The following CHRDL2 variants were observed in gnomAD, a reference collection of about 807,000 sequenced individuals.
CHRDL2 encodes the protein chordin-like protein 2.
In CHRDL2, 41 loss-of-function variants were observed where a neutral mutation model predicts 54.3. That is an observed-to-expected ratio of 0.76 (90% confidence interval 0.59 to 0.98). CHRDL2 has a LOEUF of 0.98. Ranked by LOEUF, CHRDL2 falls within the 50% of genes least tolerant of loss-of-function variation. The pLI is 0.00. For missense variants in CHRDL2, 518 were observed against 562.4 expected, an observed-to-expected ratio of 0.92 and a Z score of 0.80; for synonymous variants, 220 against 224.3, an observed-to-expected ratio of 0.98 and a Z score of 0.17.
In CHRDL2 at chr11:74,715,054, T is replaced by G. The variant is rs530437756; in HGVS notation, c.196-1575A>C. 2.6e-4 allele frequency among the ~76,000 whole-genome samples: 39 copies of G among 152,308 alleles called. No individual in the cohort carries two copies. The South Asian group carries it at 8.1e-3, about 32-fold the overall frequency. ...TAGATACTATACTATTAGTCACACT[T>G]TCTAAATGAGAAAAGAGCCTTGAAA... On this transcript the variant is annotated intron_variant, in intron 2 of 10. Transcript: ENST00000376332.
chr11:74,703,648 A>G (rs1221658705), intron 7 of CHRDL2, 149 bp from the exon 8 acceptor site: 7 of 639,012 alleles, frequency 1.1e-5, no homozygotes, highest in Admixed American at 6.0e-5. Flanking sequence ...AGGCCAGGGT[A>G]TAAAACCTGT....
chr11:74,718,084 G>C (rs1417650454), intron 2 of CHRDL2, among the ~76,000 whole-genome samples: 1 of 152,150 alleles, frequency 6.6e-6, no homozygotes, highest in Non-Finnish European at 1.5e-5. Context: ...CTCTACCCCA[G>C]GTGGCTCAGC....
intron 1 of CHRDL2, among the ~76,000 whole-genome samples, chr11:74,719,645 C>T (rs1314915513): frequency 1.3e-5 from 2 of 152,186 alleles, no homozygotes; most frequent in Non-Finnish European, 2.9e-5. Flanking sequence ...TAAAAATGGT[C>T]GTTGCTACTA....
At chr11:74,709,953 A>G (rs2034131342) in intron 4 of CHRDL2, among the ~76,000 whole-genome samples, 1 of 152,144 alleles carries the variant, frequency 6.6e-6, no homozygotes, top group African/African-American at 2.4e-5. Context: ...GCGGTGGCTC[A>G]CGCCTGTAAT....
At chr11:74,705,654 T>A (rs191714860) in intron 6 of CHRDL2, among the ~76,000 whole-genome samples, 4 of 152,278 alleles carry the variant, frequency 2.6e-5, no homozygotes, top group Non-Finnish European at 5.9e-5. Context: ...GAACTCAGCC[T>A]GGGTGGGTTT....
intron 9 of CHRDL2, 71 bp downstream of exon 9, chr11:74,702,723 C>G (rs2033860876): frequency 1.3e-6 from 2 of 1,554,848 alleles, no homozygotes; most frequent in African/African-American, 2.7e-5. Context: ...CCTAAGGCCC[C>G]TGTGGGGTCT....
At chr11:74,727,721 T>C (rs773503046) in intron 1 of CHRDL2, among the ~76,000 whole-genome samples, 7 of 151,724 alleles carry the variant, frequency 4.6e-5, no homozygotes, top group Non-Finnish European at 8.8e-5. Flanking sequence ...TTTTACTTGG[T>C]AACTGACTCT....
rs1650738057 is a variant in CHRDL2, at chr11:74,731,232, C to T, written c.-344G>A. On this transcript the variant is annotated 5_prime_UTR_variant, in exon 1 of 11. Coordinates refer to ENST00000376332, the MANE Select transcript of CHRDL2 (RefSeq NM_001278473.3). The surrounding 1 kb of genome is among the most constrained non-coding windows in gnomAD (Gnocchi z 4.4). ...GGAGAGGACCGGCGTCTGCCGAGCG[C>T]GCAGCGCCGGGCGAGGCGCGCGGGA... 2 of 185,906 alleles carry T rather than the reference C, an allele frequency of 1.1e-5. No individual in the cohort carries two copies. Among genetic ancestry groups the T allele is most frequent in the Non-Finnish European group, 2.2e-5 (2 of 89,714 alleles). 11.5% of individuals were successfully genotyped at this position (185,906 alleles called of 1,614,324 possible).
rs2034183322 is a variant in CHRDL2, at chr11:74,711,199, C to T, written c.290-208G>A. 6.6e-5 allele frequency among the ~76,000 whole-genome samples: 10 copies of T among 152,172 alleles called. No individual in the cohort carries two copies. In the South Asian group the frequency reaches 2.1e-3, roughly 31 times the overall value. The stretch of plus-strand genomic sequence containing the variant: ...CCTACATCTGACTGAGTCCCTCCCT[C>T]CCATGACCTCTACCACAGCCCTCCA... On this transcript the variant is annotated intron_variant, in intron 3 of 10. Coordinates refer to ENST00000376332, the MANE Select transcript of CHRDL2 (RefSeq NM_001278473.3).
intron 1 of CHRDL2, among the ~76,000 whole-genome samples, chr11:74,728,352 A>G (rs561325063): frequency 1.3e-4 from 20 of 152,314 alleles, no homozygotes; most frequent in Admixed American, 1.2e-3. Flanking sequence ...AACTAAGATG[A>G]GGACCTTTGT....
rs568744847 is a variant in CHRDL2, at chr11:74,718,860, T to A, written c.83-28A>T. On this transcript the variant is annotated intron_variant, in intron 1 of 10. Coordinates refer to ENST00000376332, the MANE Select transcript of CHRDL2 (RefSeq NM_001278473.3). The stretch of plus-strand genomic sequence containing the variant: ...GGCAAACCGACCAGTGCCATGTTAG[T>A]CCCAGGAGGCTCCAGCCCAAAGACC... 3 of 1,434,004 alleles carry A rather than the reference T, an allele frequency of 2.1e-6. No individual in the cohort carries two copies. The African/African-American group carries it at 4.2e-5, about 20-fold the overall frequency. 88.8% of individuals were successfully genotyped at this position (1,434,004 alleles called of 1,614,324 possible).
At chr11:74,719,381 T>TACACACACACACACACAC (rs5792667) in intron 1 of CHRDL2, 1 of 76,448 alleles carries the variant, frequency 1.3e-5, no homozygotes, top group Non-Finnish European at 2.4e-5. Context: ...CCCTCCCCTG[T>TACACACACACACACACAC]ACACACACAC....
In CHRDL2 at chr11:74,730,938, G is replaced by A; in HGVS notation, c.-50C>T. The A allele has an allele frequency of 6.6e-7, 1 of 1,511,076 alleles. No individual in the cohort carries two copies. Among genetic ancestry groups the A allele is most frequent in the Non-Finnish European group, 9.0e-7 (1 of 1,108,764 alleles). The allele number at this position is 1,511,076 out of a possible 1,614,324, so 93.6% of individuals were successfully genotyped here. A position where few individuals can be genotyped will look rare whatever the true frequency, so the allele number is the denominator to read the frequency against. The stretch of plus-strand genomic sequence containing the variant: ...GTCCGGGAGCGGAGTCGGGAGGAAG[G>A]GAGACGAAAAGGACACGGAGGCACA... On this transcript the variant is annotated 5_prime_UTR_variant, in exon 1 of 11. Transcript: ENST00000376332.
At position 74,711,011 on chromosome 11, in the gene CHRDL2, G is replaced by A. The variant is rs369252424; in HGVS notation, c.290-20C>T. The stretch of plus-strand genomic sequence containing the variant: ...GAGGTTCTGCAGTGGGGGAGGGGCA[G>A]GAGGAAGAAGAAAATGAGGTTTCAT... On this transcript the variant is annotated intron_variant, in intron 3 of 10. Transcript: ENST00000376332. 1 of 1,597,916 alleles carries A rather than the reference G, an allele frequency of 6.3e-7. No individual in the cohort carries two copies. Among genetic ancestry groups the A allele is most frequent in the African/African-American group, 1.3e-5 (1 of 74,420 alleles).
chr11:74,710,640 A>G (rs1486916876), intron 4 of CHRDL2, among the ~76,000 whole-genome samples: 2 of 152,168 alleles, frequency 1.3e-5, no homozygotes, highest in African/African-American at 4.8e-5. Flanking sequence ...GGGAAACAGA[A>G]GGCTCAGGAA....
Position 74,708,307 on chromosome 11 carries a change from C to T in CHRDL2, c.521G>A (p.Cys174Tyr). 1 of 1,575,080 alleles carries T rather than the reference C, an allele frequency of 6.3e-7. No homozygotes were observed. Among genetic ancestry groups the T allele is most frequent in the Non-Finnish European group, 8.6e-7 (1 of 1,164,884 alleles). The change falls in exon 5 of 11, where the codon TGC becomes TAC. Residue 174 changes from cysteine (C) to tyrosine (Y), a missense_variant. Physicochemically the swap from Cys to Tyr is radical, Grantham distance 194. Coordinates refer to ENST00000376332, the MANE Select transcript of CHRDL2 (RefSeq NM_001278473.3). ...LPLPDSCCQACKDEASEQSDE... is the reference protein window; with the variant it reads ...LPLPDSCCQAYKDEASEQSDE... ...AGATGGAGGGACAGACTCACCTTTG[C>T]AGGCCTGGCAGCAGGAGTCTGGCAG...
intron 9 of CHRDL2, chr11:74,697,682 C>T (rs184733075): frequency 2.2e-6 from 1 of 453,378 alleles, no homozygotes; most frequent in Non-Finnish European, 4.4e-6. Flanking sequence ...GCTGATCCTG[C>T]TCCTGTCACC....
intron 9 of CHRDL2, chr11:74,697,809 G>A: frequency 3.4e-6 from 1 of 296,336 alleles, no homozygotes. Context: ...GGAAAGGAGG[G>A]CAGGAAGGGA....
intron 1 of CHRDL2, among the ~76,000 whole-genome samples, chr11:74,721,687 C>A (rs1010931683): frequency 2.9e-4 from 44 of 152,282 alleles, no homozygotes; most frequent in African/African-American, 1.0e-3. Context: ...TAGCCCCAAC[C>A]CTTGAACATG....
Sources: allele counts gnomAD v4.1 joint callset (sites outside exome capture counted in the v4.1 genomes callset), GRCh38; gene constraint gnomAD v4.1.1; non-coding constraint Gnocchi (gnomAD v3.1); transcripts MANE v1.5; gene names NCBI Gene and HGNC (gene_info 2026-07-23, HGNC 2026-07-21).